CUX1: variants seen among roughly 807,000 people sequenced by gnomAD.
CUX1 encodes the protein protein CASP.
Under a neutral mutation model 158.8 loss-of-function variants are expected in CUX1, and 31 were observed. The observed-to-expected ratio is 0.20, with a 90% CI of 0.15 to 0.26. The LOEUF (loss-of-function observed/expected upper bound fraction) is 0.26, where lower values mean the gene tolerates loss of function less well. CUX1 is among the 10% of genes least tolerant of loss of function. CUX1 has a pLI of 1.00. For missense variants in CUX1, 1,589 were observed against 2,014.6 expected (o/e 0.79, Z 4.04); for synonymous variants, 879 against 862.1 (o/e 1.02, Z -0.34).
intron 8 of CUX1, chr7:102,125,711 AAG>A (rs1156893733): frequency 1.3e-5 from 2 of 151,954 alleles, no homozygotes; most frequent in African/African-American, 2.4e-5. Flanking sequence ...AAAAAAAAAA[AAG>A]GCACTGTACA....
At chr7:102,242,937 G>T (rs554533492) in intron 23 of CUX1, among the ~76,000 whole-genome samples, 2 of 152,296 alleles carry the variant, frequency 1.3e-5, no homozygotes, top group Admixed American at 6.5e-5. Context: ...GAGAGAAGAA[G>T]AATACCAGTA....
At position 101,896,184 on chromosome 7, in the gene CUX1, A is replaced by G. The variant is rs187727981; in HGVS notation, c.31-19931A>G. 2.2e-3 allele frequency among the ~76,000 whole-genome samples: 329 copies of G among 152,090 alleles called. 1 individual carries two copies. The highest frequency in any genetic ancestry group is 0.02 in the Middle Eastern group (6 of 294). On this transcript the variant is annotated intron_variant, in intron 1 of 23. Coordinates refer to ENST00000292535, the MANE Select transcript of CUX1 (RefSeq NM_181552.4). ...GCTGGGATTACAGGTGTGAGCCACC[A>G]TGCCTGGCTCACCCATAAAATTAAA...
chr7:102,058,951 A>C (rs1202056407), intron 3 of CUX1, among the ~76,000 whole-genome samples: 1 of 152,178 alleles, frequency 6.6e-6, no homozygotes, highest in Non-Finnish European at 1.5e-5. Flanking sequence ...TGACAGAATG[A>C]AGGAAGAAGT....
chr7:101,890,344 T>G (rs1800744636), intron 1 of CUX1, among the ~76,000 whole-genome samples: 1 of 151,582 alleles, frequency 6.6e-6, no homozygotes, highest in South Asian at 2.1e-4. Context: ...GGTCCAGAGG[T>G]GCTAAAATCC....
chr7:102,253,611 A>C lies in CUX1; in HGVS notation c.*4569A>C. On this transcript the variant is annotated 3_prime_UTR_variant, in exon 24 of 24. Coordinates refer to ENST00000292535, the MANE Select transcript of CUX1 (RefSeq NM_181552.4). Reference sequence around the variant, plus strand: ...TACTGAAAAATAGCAGAGCCAGGGGAACAGACGCATGTCCTTCTGGGAGTC... The same window carrying C: ...TACTGAAAAATAGCAGAGCCAGGGGCACAGACGCATGTCCTTCTGGGAGTC... 1 of 985,482 alleles carries C rather than the reference A, an allele frequency of 1.0e-6. No homozygotes were observed. Among genetic ancestry groups the C allele is most frequent in the Non-Finnish European group, 1.2e-6 (1 of 829,952 alleles). The allele number at this position is 985,482 out of a possible 1,614,324, so 61.0% of individuals were successfully genotyped here.
At chr7:102,149,517 C>G (rs932041629) in intron 8 of CUX1, among the ~76,000 whole-genome samples, 7 of 152,018 alleles carry the variant, frequency 4.6e-5, no homozygotes, top group Non-Finnish European at 7.4e-5. Flanking sequence ...CCCACTCCTC[C>G]CCTGGGACAT....
intron 3 of CUX1, among the ~76,000 whole-genome samples, chr7:102,042,619 A>G (rs1165402059): frequency 2.0e-5 from 3 of 152,134 alleles, no homozygotes; most frequent in Non-Finnish European, 4.4e-5. Context: ...CCCTACCTAT[A>G]AAACTCATTT....
At chr7:101,960,158 A>G (rs1353289928) in intron 2 of CUX1, 1 of 152,060 alleles carries the variant, frequency 6.6e-6, no homozygotes, top group Non-Finnish European at 1.5e-5. Flanking sequence ...CCATTCCGAA[A>G]TGTCTCCGGA....
intron 23 of CUX1, among the ~76,000 whole-genome samples, chr7:102,243,745 G>A (rs924758100): frequency 6.6e-6 from 1 of 151,234 alleles, no homozygotes; most frequent in African/African-American, 2.4e-5. Flanking sequence ...TCACCCAGCA[G>A]GGGCGGGCTT....
chr7:102,115,690 AC>A (rs1449745115), intron 8 of CUX1: 1 of 160,702 alleles, frequency 6.2e-6, no homozygotes, highest in African/African-American at 2.4e-5. Context: ...TTCATGTCAC[AC>A]CTAACAACGC....
At chr7:102,210,294 A>G (rs1229641171) in intron 20 of CUX1, among the ~76,000 whole-genome samples, 1 of 152,070 alleles carries the variant, frequency 6.6e-6, no homozygotes, top group African/African-American at 2.4e-5. Context: ...ATGGGGTTTC[A>G]CCATGTTGGC....
intron 1 of CUX1, among the ~76,000 whole-genome samples, chr7:101,850,606 C>G (rs1204356499): frequency 6.6e-6 from 1 of 152,004 alleles, no homozygotes. Flanking sequence ...TCTCGAACTC[C>G]TGGGCTCAAG....
chr7:102,086,235 T>C (rs1827940492), intron 4 of CUX1, among the ~76,000 whole-genome samples: 2 of 148,218 alleles, frequency 1.3e-5, no homozygotes, highest in South Asian at 2.1e-4. Context: ...TTTGTTTGCA[T>C]TGATTTTTCT....
intron 20 of CUX1, among the ~76,000 whole-genome samples, chr7:102,211,817 C>T (rs1004000088): frequency 2.0e-5 from 3 of 148,322 alleles, no homozygotes; most frequent in East Asian, 2.0e-4. Context: ...AACCTGATCT[C>T]GGCTGAGCTA....
At chr7:102,222,538 G>A (rs1447716576) in intron 20 of CUX1, among the ~76,000 whole-genome samples, 3 of 152,096 alleles carry the variant, frequency 2.0e-5, no homozygotes, top group South Asian at 2.1e-4. Flanking sequence ...CCCTCAGCTC[G>A]CTGCTCCATT....
chr7:102,155,298 C>T (rs1789618423), intron 8 of CUX1, among the ~76,000 whole-genome samples: 1 of 151,062 alleles, frequency 6.6e-6, no homozygotes, highest in African/African-American at 2.4e-5. Flanking sequence ...AGTCGCAGCA[C>T]TTTGGGAGGC....
intron 17 of CUX1, among the ~76,000 whole-genome samples, chr7:102,276,888 C>T (rs1381673282): frequency 1.3e-5 from 2 of 152,064 alleles, no homozygotes; most frequent in East Asian, 1.9e-4. Flanking sequence ...GGGATGGTTG[C>T]ATAACATTGT....
At chr7:102,035,591 C>T (rs978370623) in intron 3 of CUX1, among the ~76,000 whole-genome samples, 6 of 140,776 alleles carry the variant, frequency 4.3e-5, no homozygotes, top group Admixed American at 3.8e-4. Flanking sequence ...TTATATACCC[C>T]TGTATCAGCA....
intron 2 of CUX1, among the ~76,000 whole-genome samples, chr7:102,026,275 G>A (rs1820012754): frequency 6.6e-6 from 1 of 152,138 alleles, no homozygotes; most frequent in South Asian, 2.1e-4. Context: ...GTAGCCACCA[G>A]CAACGGGTGG....
Sources: gnomAD v4.1 joint callset for allele counts (sites outside exome capture counted in the v4.1 genomes callset) on GRCh38, gnomAD v4.1.1 for gene constraint, MANE v1.5 for transcripts, NCBI Gene and HGNC (gene_info 2026-07-23, HGNC 2026-07-21) for gene names.